Variants in MACROD2 observed in about 807,000 individuals in gnomAD.
MACROD2 encodes ADP-ribose glycohydrolase MACROD2.
MACROD2 carries 36 observed loss-of-function variants against 70.4 expected under a neutral mutation model. The observed-to-expected ratio is 0.51, with a 90% CI of 0.39 to 0.68. MACROD2 has a LOEUF of 0.68. Among genes scored for constraint, MACROD2 ranks in the 30% least tolerant of loss-of-function variants. MACROD2 has a pLI of 0.00. For missense variants in MACROD2, 496 were observed against 538.4 expected (o/e 0.92, Z 0.78); for synonymous variants, 172 against 178.8 (o/e 0.96, Z 0.30).
chr20:14,685,464 C>T (rs993991349), intron 5 of MACROD2, among the ~76,000 whole-genome samples: 10 of 152,162 alleles, frequency 6.6e-5, no homozygotes, highest in East Asian at 1.9e-4. Context: ...GAAAAGCCAA[C>T]GAAATCTGGT....
At chr20:14,021,384 TAGC>T in intron 2 of MACROD2, among the ~76,000 whole-genome samples, 1 of 152,212 alleles carries the variant, frequency 6.6e-6, no homozygotes, top group African/African-American at 2.4e-5. Context: ...TGTGAGTCTG[TAGC>T]GGCCTTGGAA....
At chr20:15,916,663 C>T (rs1048430862) in intron 10 of MACROD2, among the ~76,000 whole-genome samples, 2 of 152,154 alleles carry the variant, frequency 1.3e-5, no homozygotes, top group African/African-American at 4.8e-5. Flanking sequence ...GACTTAAGTT[C>T]GAAAGTCCTT....
intron 8 of MACROD2, among the ~76,000 whole-genome samples, chr20:15,577,805 C>T (rs1207189911): frequency 6.6e-6 from 1 of 152,182 alleles, no homozygotes; most frequent in Non-Finnish European, 1.5e-5. Flanking sequence ...TCTCCCGTGA[C>T]TATTTAGAAT....
chr20:14,590,863 A>G (rs1389251016), intron 4 of MACROD2, among the ~76,000 whole-genome samples: 1 of 152,186 alleles, frequency 6.6e-6, no homozygotes, highest in African/African-American at 2.4e-5. Flanking sequence ...AGTTTCAGGT[A>G]AATGGTGGAT....
chr20:14,017,673 G>A (rs928547046), intron 2 of MACROD2, among the ~76,000 whole-genome samples: 1 of 152,086 alleles, frequency 6.6e-6, no homozygotes, highest in African/African-American at 2.4e-5. Flanking sequence ...GTCACGTTGT[G>A]TATTCCTTTT....
intron 2 of MACROD2, among the ~76,000 whole-genome samples, chr20:14,056,343 T>G (rs1235371814): frequency 6.6e-6 from 1 of 152,046 alleles, no homozygotes; most frequent in East Asian, 1.9e-4. Flanking sequence ...TTTTATTGTT[T>G]TTTTAAAGCA....
At chr20:14,094,905 T>G (rs1442579778) in intron 3 of MACROD2, among the ~76,000 whole-genome samples, 4 of 152,100 alleles carry the variant, frequency 2.6e-5, no homozygotes, top group African/African-American at 9.7e-5. Flanking sequence ...TCCCCCACCG[T>G]TTTTCTCATT....
intron 7 of MACROD2, among the ~76,000 whole-genome samples, chr20:15,489,987 A>G (rs1265063351): frequency 6.6e-6 from 1 of 152,124 alleles, no homozygotes; most frequent in Non-Finnish European, 1.5e-5. Flanking sequence ...TTCTAAGAAT[A>G]GCCTAGGCTC....
chr20:14,404,879 A>G (rs1159072971), intron 3 of MACROD2, among the ~76,000 whole-genome samples: 1 of 152,118 alleles, frequency 6.6e-6, no homozygotes, highest in African/African-American at 2.4e-5. Flanking sequence ...ATTTATATGG[A>G]CTGAAGTCAC....
At chr20:14,154,204 T>G (rs2055061773) in intron 3 of MACROD2, among the ~76,000 whole-genome samples, 1 of 152,190 alleles carries the variant, frequency 6.6e-6, no homozygotes, top group African/African-American at 2.4e-5. Context: ...TCATCAGTAT[T>G]GACTTGAAAC....
intron 6 of MACROD2, among the ~76,000 whole-genome samples, chr20:15,266,139 C>CT (rs914914281): frequency 9.6e-4 from 146 of 151,372 alleles, no homozygotes; most frequent in African/African-American, 3.0e-3. Context: ...ATGTGGATCA[C>CT]TTTTTTTTTA....
intron 3 of MACROD2, among the ~76,000 whole-genome samples, chr20:14,191,908 G>C (rs2081391493): frequency 1.3e-5 from 2 of 151,832 alleles, no homozygotes; most frequent in Non-Finnish European, 2.9e-5. Context: ...AGCCATCAGA[G>C]GGTTTTTGAA....
At chr20:14,894,866 C>T (rs2073809076) in intron 5 of MACROD2, 1 of 151,778 alleles carries the variant, frequency 6.6e-6, no homozygotes, top group Non-Finnish European at 1.5e-5. Flanking sequence ...AGCATGTTGC[C>T]GAACAAAAAT....
intron 8 of MACROD2, among the ~76,000 whole-genome samples, chr20:15,752,830 A>G (rs1291824085): frequency 6.6e-6 from 1 of 152,106 alleles, no homozygotes; most frequent in Non-Finnish European, 1.5e-5. Context: ...TACTGTGTGC[A>G]CATTGGACCC....
At chr20:14,012,908 T>A (rs1394598443) in intron 2 of MACROD2, among the ~76,000 whole-genome samples, 1 of 152,178 alleles carries the variant, frequency 6.6e-6, no homozygotes, top group Non-Finnish European at 1.5e-5. Flanking sequence ...CTGTGGTTAA[T>A]TTTGTGCAGT....
intron 6 of MACROD2, among the ~76,000 whole-genome samples, chr20:15,412,239 G>C (rs1038891497): frequency 2.0e-5 from 3 of 152,228 alleles, no homozygotes; most frequent in African/African-American, 7.2e-5. Flanking sequence ...TGAGACACAT[G>C]AGGATCTGTG....
intron 5 of MACROD2, among the ~76,000 whole-genome samples, chr20:14,855,299 A>T (rs2073242105): frequency 6.6e-6 from 1 of 152,186 alleles, no homozygotes; most frequent in Non-Finnish European, 1.5e-5. Context: ...GGCTGTCTTC[A>T]TTAACTAGCT....
chr20:15,927,031 A>T (rs1291820318), intron 10 of MACROD2, among the ~76,000 whole-genome samples: 1 of 152,178 alleles, frequency 6.6e-6, no homozygotes, highest in East Asian at 1.9e-4. Flanking sequence ...GGCACTAACC[A>T]TTAACTAACT....
At chr20:14,883,025 A>G (rs986734575) in intron 5 of MACROD2, among the ~76,000 whole-genome samples, 3 of 152,142 alleles carry the variant, frequency 2.0e-5, no homozygotes, top group Admixed American at 6.6e-5. Flanking sequence ...CAGAGGCCAC[A>G]TCATATTCTT....
Sources: allele counts gnomAD v4.1 joint callset (sites outside exome capture counted in the v4.1 genomes callset), GRCh38; gene constraint gnomAD v4.1.1; transcripts MANE v1.5; gene names NCBI Gene and HGNC (gene_info 2026-07-23, HGNC 2026-07-21).